Variants in ATP8A2 observed in about 807,000 individuals in gnomAD.
The protein encoded by ATP8A2 is phospholipid-transporting ATPase IB.
In ATP8A2, 100 loss-of-function variants were observed where a neutral mutation model predicts 165.6. The ratio of observed to expected loss-of-function variants is 0.60; its 90% CI spans 0.51 to 0.71. ATP8A2 has a LOEUF of 0.71. Among genes scored for constraint, ATP8A2 ranks in the 30% least tolerant of loss-of-function variants. The pLI is 0.00. For missense variants in ATP8A2, 1,227 were observed against 1,479.5 expected (o/e 0.83, Z 2.80); for synonymous variants, 543 against 548.8 (o/e 0.99, Z 0.15).
At chr13:25,870,017 C>T (rs1593478790) in intron 33 of ATP8A2, among the ~76,000 whole-genome samples, 1 of 152,248 alleles carries the variant, frequency 6.6e-6, no homozygotes, top group East Asian at 1.9e-4. Context: ...AGAATGAGTG[C>T]AAGGTGTTAT....
chr13:25,646,003 G>T (rs2041660754), intron 24 of ATP8A2, among the ~76,000 whole-genome samples: 1 of 152,096 alleles, frequency 6.6e-6, no homozygotes, highest in Non-Finnish European at 1.5e-5. Context: ...ATTATTGAAA[G>T]TGGAGTATTG....
chr13:25,556,968 G>T (rs779253316), intron 13 of ATP8A2, among the ~76,000 whole-genome samples: 5 of 152,178 alleles, frequency 3.3e-5, no homozygotes, highest in Admixed American at 6.6e-5. Context: ...CTCCCTTATG[G>T]AGGTAGGCTT....
chr13:25,737,536 A>G (rs1360488260), intron 25 of ATP8A2, among the ~76,000 whole-genome samples: 2 of 152,124 alleles, frequency 1.3e-5, no homozygotes, highest in African/African-American at 4.8e-5. Context: ...GTCACACTCT[A>G]TCACCCAGGC....
intron 25 of ATP8A2, among the ~76,000 whole-genome samples, chr13:25,756,484 A>G (rs2044265066): frequency 2.0e-5 from 3 of 152,112 alleles, no homozygotes; most frequent in African/African-American, 2.4e-5. Context: ...TGCTCAGCAG[A>G]ATTATGTGAA....
intron 25 of ATP8A2, among the ~76,000 whole-genome samples, chr13:25,711,440 T>C (rs1487350675): frequency 2.6e-5 from 4 of 152,138 alleles, no homozygotes; most frequent in African/African-American, 9.7e-5. Context: ...CTGGGCATGG[T>C]GACTCATTTC....
chr13:25,965,288 G>A (rs147284928), intron 34 of ATP8A2, among the ~76,000 whole-genome samples: 14 of 152,206 alleles, frequency 9.2e-5, no homozygotes, highest in South Asian at 2.1e-4. Flanking sequence ...CCAGTTTCTC[G>A]CTTCCATTTC....
At chr13:25,592,792 C>G (rs1422122311) in intron 24 of ATP8A2, among the ~76,000 whole-genome samples, 1 of 152,128 alleles carries the variant, frequency 6.6e-6, no homozygotes, top group Non-Finnish European at 1.5e-5. Flanking sequence ...TCTGGTTTAC[C>G]TAGACCAAAG....
chr13:25,865,008 A>G (rs1446211884), intron 33 of ATP8A2, among the ~76,000 whole-genome samples: 1 of 152,216 alleles, frequency 6.6e-6, no homozygotes, highest in Non-Finnish European at 1.5e-5. Flanking sequence ...GAAGTATTAC[A>G]AAACATTTTT....
chr13:25,908,187 G>T (rs933242509), intron 33 of ATP8A2, among the ~76,000 whole-genome samples: 1 of 152,130 alleles, frequency 6.6e-6, no homozygotes, highest in Non-Finnish European at 1.5e-5. Context: ...CTACCGAGGC[G>T]TGCTTTCTTT....
chr13:25,689,007 A>G (rs1593199292), intron 24 of ATP8A2, among the ~76,000 whole-genome samples: 2 of 152,368 alleles, frequency 1.3e-5, no homozygotes, highest in African/African-American at 2.4e-5. Flanking sequence ...TGTTTGCACA[A>G]GACTAAATAC....
At position 25,750,776 on chromosome 13, in the gene ATP8A2, T is replaced by C. The variant is rs145872779; in HGVS notation, c.2385-18270T>C. 3.4e-3 allele frequency among the ~76,000 whole-genome samples: 524 copies of C among 152,218 alleles called. 5 individuals are homozygous for C. The highest frequency in any genetic ancestry group is 0.011 in the African/African-American group (448 of 41,550). Reference sequence around the variant, plus strand: ...CTCTTCTGCTCGATGTATACAAAACTTCTGTTTTGAAAGAGTTGCTTGGGG... The same window carrying C: ...CTCTTCTGCTCGATGTATACAAAACCTCTGTTTTGAAAGAGTTGCTTGGGG... On this transcript the variant is annotated intron_variant, in intron 25 of 36. Transcript: ENST00000381655. The surrounding 1 kb of genome is among the most constrained non-coding windows in gnomAD (Gnocchi z 4.3).
At chr13:25,837,718 A>C (rs570697775) in intron 29 of ATP8A2, among the ~76,000 whole-genome samples, 5 of 152,262 alleles carry the variant, frequency 3.3e-5, no homozygotes, top group African/African-American at 1.2e-4. Context: ...TTGTCATTTG[A>C]AATAAAATGT....
chr13:25,962,263 ATAG>A (rs1955676524), intron 34 of ATP8A2, among the ~76,000 whole-genome samples: 1 of 152,182 alleles, frequency 6.6e-6, no homozygotes, highest in Admixed American at 6.5e-5. Context: ...GAAGCTATGT[ATAG>A]GTAAGTCATT....
chr13:26,020,035 C>T lies in ATP8A2; in HGVS notation c.*50C>T, dbSNP rs755015092. 5 of 1,338,598 alleles carry T rather than the reference C, an allele frequency of 3.7e-6. No homozygotes were observed. In the Admixed American group the frequency reaches 8.5e-5, roughly 23 times the overall value. The allele number at this position is 1,338,598 out of a possible 1,614,324, so 82.9% of individuals were successfully genotyped here. A position where few individuals can be genotyped will look rare whatever the true frequency, so the allele number is the denominator to read the frequency against. ...TAGGAAAGAGATTCAGTTTGTTGCA[C>T]CCAGTGTTAACACATCTTTGTCAGA... is the stretch of plus-strand genomic sequence containing the variant. On this transcript the variant is annotated 3_prime_UTR_variant, in exon 37 of 37. Transcript: ENST00000381655.
At chr13:25,715,566 G>A (rs2043239267) in intron 25 of ATP8A2, among the ~76,000 whole-genome samples, 1 of 152,128 alleles carries the variant, frequency 6.6e-6, no homozygotes, top group Non-Finnish European at 1.5e-5. Flanking sequence ...TACCTGTTCT[G>A]GACATTGCTT....
intron 4 of ATP8A2, among the ~76,000 whole-genome samples, chr13:25,531,053 C>A (rs1393330137): frequency 6.6e-6 from 1 of 151,398 alleles, no homozygotes; most frequent in Non-Finnish European, 1.5e-5. Flanking sequence ...TCCTAGTGTA[C>A]CTCCAAGTTC....
chr13:25,565,537 T>C (rs1166223052), intron 16 of ATP8A2, among the ~76,000 whole-genome samples: 1 of 152,230 alleles, frequency 6.6e-6, no homozygotes, highest in Non-Finnish European at 1.5e-5. Context: ...CTTTTAAGAA[T>C]TGTCTATTCA....
Position 25,577,061 on chromosome 13 carries a change from TCTCC to T in ATP8A2, c.1713-6_1713-3del. Reference sequence around the variant, plus strand: ...CCAATGATGACTTTTTTTTTTTCACTCTCCCAGTGACAGAAAAAGAATGTCTGTA... The same window carrying T: ...CCAATGATGACTTTTTTTTTTTCACTCAGTGACAGAAAAAGAATGTCTGTA... On this transcript the variant is annotated splice_polypyrimidine_tract_variant and splice_region_variant and intron_variant, in intron 19 of 36. Transcript: ENST00000381655. 1 of 1,611,190 alleles carries T rather than the reference TCTCC, an allele frequency of 6.2e-7. No homozygotes were observed.
intron 24 of ATP8A2, among the ~76,000 whole-genome samples, chr13:25,676,150 A>G (rs1159904905): frequency 6.6e-6 from 1 of 152,214 alleles, no homozygotes; most frequent in Non-Finnish European, 1.5e-5. Context: ...GGTTAACTGC[A>G]AGTGATCTGA....
Sources: allele counts gnomAD v4.1 joint callset (sites outside exome capture counted in the v4.1 genomes callset), GRCh38; gene constraint gnomAD v4.1.1; non-coding constraint Gnocchi (gnomAD v3.1); transcripts MANE v1.5; gene names NCBI Gene and HGNC (gene_info 2026-07-23, HGNC 2026-07-21).